Variants in JAM2 observed in about 807,000 individuals in gnomAD.
JAM2 encodes the protein junctional adhesion molecule B.
In JAM2, 17 loss-of-function variants were observed where a neutral mutation model predicts 42.0. That is an observed-to-expected ratio of 0.40 (90% CI 0.28 to 0.61). The LOEUF (loss-of-function observed/expected upper bound fraction) is 0.61, where lower values mean the gene tolerates loss of function less well. Ranked by LOEUF, JAM2 falls within the 20% of genes least tolerant of loss-of-function variation. The pLI, the probability that JAM2 is intolerant of heterozygous loss-of-function variation, is 0.37. For missense variants in JAM2, 319 were observed against 358.3 expected (o/e 0.89, Z 0.89); for synonymous variants, 118 against 128.6 (o/e 0.92, Z 0.56).
At chr21:25,714,505 A>T (rs1178897456) in intron 9 of JAM2, 135 bp from the exon 10 acceptor site, 9 of 688,610 alleles carry the variant, frequency 1.3e-5, no homozygotes, top group African/African-American at 1.9e-5. Context: ...CTCAAAAAAT[A>T]AAATAAATAA....
intron 6 of JAM2, 84 bp from the exon 7 acceptor site, chr21:25,705,895 C>CT (rs1471245372): frequency 5.2e-6 from 5 of 955,978 alleles, no homozygotes; most frequent in Non-Finnish European, 8.5e-6. Context: ...CAAAGGGGAT[C>CT]TTTTTTTGAA....
chr21:25,652,512 A>G (rs141529556), intron 1 of JAM2, among the ~76,000 whole-genome samples: 1 of 152,256 alleles, frequency 6.6e-6, no homozygotes, highest in Admixed American at 6.5e-5. Context: ...ACCAAACAGT[A>G]GAATATATCT....
At chr21:25,682,720 G>T (rs2033663321) in intron 1 of JAM2, among the ~76,000 whole-genome samples, 1 of 152,200 alleles carries the variant, frequency 6.6e-6, no homozygotes, top group South Asian at 2.1e-4. Context: ...AGAAAAATCG[G>T]GTCACACACG....
At chr21:25,703,461 T>G (rs2034209678) in intron 6 of JAM2, among the ~76,000 whole-genome samples, 2 of 152,194 alleles carry the variant, frequency 1.3e-5, no homozygotes, top group African/African-American at 4.8e-5. Context: ...CATCCATTGA[T>G]CCGAGGTGTT....
At chr21:25,685,993 T>C in intron 2 of JAM2, among the ~76,000 whole-genome samples, 1 of 152,238 alleles carries the variant, frequency 6.6e-6, no homozygotes, top group East Asian at 1.9e-4. Context: ...TACATTATTT[T>C]TTAAAAAATG....
chr21:25,674,012 A>G (rs771296645), intron 1 of JAM2, among the ~76,000 whole-genome samples: 13 of 152,162 alleles, frequency 8.5e-5, no homozygotes, highest in East Asian at 1.9e-4. Context: ...GCCGCCATGT[A>G]AGATGTGCCT....
chr21:25,695,612 A>C (rs1234556531), intron 4 of JAM2, among the ~76,000 whole-genome samples: 9 of 119,928 alleles, frequency 7.5e-5, no homozygotes, highest in East Asian at 2.6e-4. Context: ...GCGCCCCCCC[A>C]CCTCCCTCCC....
intron 1 of JAM2, among the ~76,000 whole-genome samples, chr21:25,664,215 A>G (rs2033159555): frequency 6.6e-6 from 1 of 150,924 alleles, no homozygotes; most frequent in African/African-American, 2.4e-5. Flanking sequence ...GGCTTGCTTT[A>G]TTTATTTATT....
chr21:25,658,923 CT>C (rs1375483954), intron 1 of JAM2, among the ~76,000 whole-genome samples: 2 of 152,170 alleles, frequency 1.3e-5, no homozygotes, highest in African/African-American at 4.8e-5. Flanking sequence ...ATCCCACATT[CT>C]TTGCTATCTG....
At chr21:25,654,588 CA>C (rs1199409462) in intron 1 of JAM2, among the ~76,000 whole-genome samples, 20 of 144,236 alleles carry the variant, frequency 1.4e-4, no homozygotes, top group Non-Finnish European at 1.2e-4. Flanking sequence ...GCAGAGGTTG[CA>C]GTGAGCCAAG....
chr21:25,670,194 T>G (rs1431743402), intron 1 of JAM2, among the ~76,000 whole-genome samples: 1 of 152,140 alleles, frequency 6.6e-6, no homozygotes, highest in Admixed American at 6.5e-5. Flanking sequence ...TTTCAAAAAT[T>G]TGACCTTGGC....
chr21:25,690,781 G>A (rs1409906463), intron 3 of JAM2, among the ~76,000 whole-genome samples: 2 of 152,098 alleles, frequency 1.3e-5, no homozygotes, highest in Non-Finnish European at 2.9e-5. Flanking sequence ...GAAGCTCAGG[G>A]AGTTAAGACT....
intron 9 of JAM2, among the ~76,000 whole-genome samples, chr21:25,712,667 G>T (rs2034407688): frequency 1.3e-5 from 2 of 152,058 alleles, no homozygotes; most frequent in South Asian, 4.1e-4. Flanking sequence ...GTATCACTAG[G>T]TCTGGCATTA....
At chr21:25,646,117 C>G (rs902393704) in intron 1 of JAM2, among the ~76,000 whole-genome samples, 1 of 152,098 alleles carries the variant, frequency 6.6e-6, no homozygotes, top group East Asian at 1.9e-4. Flanking sequence ...TACAGCAGTA[C>G]GGGCGTTATA....
intron 1 of JAM2, among the ~76,000 whole-genome samples, chr21:25,673,419 C>T (rs969492848): frequency 5.3e-5 from 8 of 152,114 alleles, no homozygotes; most frequent in East Asian, 1.9e-4. Context: ...CTTAAGTTGT[C>T]GAAGAACCAG....
chr21:25,688,187 T>C (rs2033792311), intron 2 of JAM2, among the ~76,000 whole-genome samples: 2 of 152,072 alleles, frequency 1.3e-5, no homozygotes, highest in Admixed American at 6.6e-5. Flanking sequence ...ATAAGTTTCA[T>C]AGAGGTTTTT....
At chr21:25,668,885 TAAG>T (rs2033287082) in intron 1 of JAM2, among the ~76,000 whole-genome samples, 1 of 152,128 alleles carries the variant, frequency 6.6e-6, no homozygotes, top group African/African-American at 2.4e-5. Context: ...GAAAGCGTGT[TAAG>T]AAGAAGGGTG....
intron 4 of JAM2, among the ~76,000 whole-genome samples, chr21:25,695,603 C>T (rs894469880): frequency 2.0e-5 from 3 of 147,624 alleles, no homozygotes; most frequent in East Asian, 2.1e-4. Flanking sequence ...CGGGCAGAGG[C>T]GCCCCCCCAC....
chr21:25,711,434 T>C (rs2123420561), intron 8 of JAM2: 1 of 456,206 alleles, frequency 2.2e-6, no homozygotes. Flanking sequence ...TCTGAGGCTA[T>C]GGCAGCTGGG....
Sources: allele counts gnomAD v4.1 joint callset (sites outside exome capture counted in the v4.1 genomes callset), GRCh38; gene constraint gnomAD v4.1.1; transcripts MANE v1.5; gene names NCBI Gene and HGNC (gene_info 2026-07-23, HGNC 2026-07-21).